LOC400499: variants seen among roughly 807,000 people sequenced by gnomAD.
the LOC400499 span, among the ~76,000 whole-genome samples, chr16:11,400,744 CTT>C: frequency 6.6e-6 from 1 of 152,146 alleles, no homozygotes; most frequent in South Asian, 2.1e-4. Context: ...TCCGGCCCCT[CTT>C]TACTACTTTA....
At chr16:11,457,084 C>A in the LOC400499 span, 2 of 1,474,046 alleles carry the variant, frequency 1.4e-6, no homozygotes, top group African/African-American at 1.4e-5. Context: ...GATCATGCCA[C>A]CCCTGGCGTA....
chr16:11,401,243 G>T, the LOC400499 span: 1 of 399,090 alleles, frequency 2.5e-6, no homozygotes, highest in African/African-American at 2.1e-5. Flanking sequence ...CCGGCCAAGG[G>T]CGCCTGGGAC....
chr16:11,379,851 G>A, the LOC400499 span, among the ~76,000 whole-genome samples: 13 of 152,312 alleles, frequency 8.5e-5, no homozygotes, highest in East Asian at 1.2e-3. Flanking sequence ...GGGATTACAC[G>A]AAACATCCTG....
the LOC400499 span, among the ~76,000 whole-genome samples, chr16:11,429,632 C>T: frequency 4.6e-5 from 7 of 152,124 alleles, no homozygotes; most frequent in African/African-American, 1.7e-4. Context: ...TACCGCCACC[C>T]CTGGCTAATT....
the LOC400499 span, among the ~76,000 whole-genome samples, chr16:11,425,660 C>G: frequency 2.6e-5 from 4 of 152,274 alleles, no homozygotes; most frequent in East Asian, 7.7e-4. Flanking sequence ...TTCAGAAAAT[C>G]TGAACAGCTC....
At chr16:11,499,612 C>G in the LOC400499 span, among the ~76,000 whole-genome samples, 1 of 152,170 alleles carries the variant, frequency 6.6e-6, no homozygotes, top group Admixed American at 6.5e-5. Context: ...CAAGGGCTCC[C>G]TATATTCCAC....
At chr16:11,523,560 GGAA>G in the LOC400499 span, 1 of 397,500 alleles carries the variant, frequency 2.5e-6, no homozygotes, top group Non-Finnish European at 4.4e-6. Flanking sequence ...CCTTACTCTG[GGAA>G]GAAGATGAGA....
At chr16:11,510,392 G>A in the LOC400499 span, among the ~76,000 whole-genome samples, 2 of 151,694 alleles carry the variant, frequency 1.3e-5, no homozygotes, top group Non-Finnish European at 2.9e-5. Context: ...CCTGCCCCAG[G>A]GCCTTTGCAC....
At chr16:11,459,120 T>TTAAAAGTTAATA in the LOC400499 span, among the ~76,000 whole-genome samples, 1 of 150,786 alleles carries the variant, frequency 6.6e-6, no homozygotes. Context: ...ACAATTAAAA[T>TTAAAAGTTAATA]TAAAAGTTAA....
At chr16:11,441,931 T>A in the LOC400499 span, among the ~76,000 whole-genome samples, 1 of 152,238 alleles carries the variant, frequency 6.6e-6, no homozygotes, top group Non-Finnish European at 1.5e-5. Context: ...CCACTAAGAT[T>A]TCAGAGATTC....
At chr16:11,383,356 C>T in the LOC400499 span, among the ~76,000 whole-genome samples, 18 of 152,300 alleles carry the variant, frequency 1.2e-4, no homozygotes, top group East Asian at 3.9e-4. Flanking sequence ...CGTGAGCCAC[C>T]GTGCCCAGCC....
At chr16:11,477,761 G>T in the LOC400499 span, 1 of 398,072 alleles carries the variant, frequency 2.5e-6, no homozygotes, top group Non-Finnish European at 4.4e-6. Flanking sequence ...GGCCTCTGCA[G>T]CCCTCTGTAG....
the LOC400499 span, among the ~76,000 whole-genome samples, chr16:11,480,964 G>A: frequency 1.1e-4 from 16 of 152,248 alleles, no homozygotes; most frequent in Non-Finnish European, 1.6e-4. Flanking sequence ...GTCCATCAGT[G>A]AATGAATGGA....
At chr16:11,387,385 G>C in the LOC400499 span, 7 of 1,065,252 alleles carry the variant, frequency 6.6e-6, no homozygotes, top group Admixed American at 8.5e-5. Flanking sequence ...TGCAGGAAGA[G>C]CTCTGCAGTG....
the LOC400499 span, among the ~76,000 whole-genome samples, chr16:11,400,594 C>T: frequency 6.6e-6 from 1 of 152,136 alleles, no homozygotes; most frequent in Non-Finnish European, 1.5e-5. Flanking sequence ...GCACACACCA[C>T]CACACCCAGC....
chr16:11,373,542 C>T, the LOC400499 span, among the ~76,000 whole-genome samples: 3 of 152,002 alleles, frequency 2.0e-5, no homozygotes, highest in African/African-American at 7.3e-5. Flanking sequence ...CCAGGCTGGT[C>T]TCGAACTTTT....
chr16:11,435,444 C>T, the LOC400499 span, among the ~76,000 whole-genome samples: 1 of 152,166 alleles, frequency 6.6e-6, no homozygotes, highest in African/African-American at 2.4e-5. Flanking sequence ...ACAACGAACA[C>T]TCTCATAACA....
At chr16:11,506,713 C>T in the LOC400499 span, among the ~76,000 whole-genome samples, 13 of 152,188 alleles carry the variant, frequency 8.5e-5, no homozygotes, top group Admixed American at 3.9e-4. Context: ...AGGCCCGACT[C>T]GGGGGTTTGC....
At chr16:11,421,414 T>G in the LOC400499 span, among the ~76,000 whole-genome samples, 144 of 152,154 alleles carry the variant, frequency 9.5e-4, no homozygotes, top group African/African-American at 3.3e-3. Context: ...GTGTTGTTTT[T>G]TTTTTGAGAC....
Sources: gnomAD v4.1 joint callset for allele counts (sites outside exome capture counted in the v4.1 genomes callset) on GRCh38, gnomAD v4.1.1 for gene constraint, MANE v1.5 for transcripts.